The following SHISA9 variants were observed in gnomAD, a reference collection of about 807,000 sequenced individuals.
SHISA9 encodes the protein shisa family member 9.
Under a neutral mutation model 38.0 loss-of-function variants are expected in SHISA9, and 13 were observed. The observed-to-expected ratio is 0.34, with a 90% CI of 0.22 to 0.54. The LOEUF is 0.54. Ranked by LOEUF, SHISA9 falls within the 20% of genes least tolerant of loss-of-function variation. SHISA9 has a pLI of 0.91. For missense variants in SHISA9, 538 were observed against 575.8 expected, an observed-to-expected ratio of 0.93 and a Z score of 0.67; for synonymous variants, 275 against 242.0, an observed-to-expected ratio of 1.14 and a Z score of -1.27.
chr16:13,358,046 G>A, the SHISA9 span, among the ~76,000 whole-genome samples: 1 of 152,126 alleles, frequency 6.6e-6, no homozygotes, highest in Admixed American at 6.5e-5. Flanking sequence ...CTTGGCTTGG[G>A]CTTAGAGGCC....
the SHISA9 span, among the ~76,000 whole-genome samples, chr16:13,351,805 C>T: frequency 6.6e-6 from 1 of 152,184 alleles, no homozygotes; most frequent in African/African-American, 2.4e-5. Context: ...GTTGCTAACA[C>T]CAGTAAATAA....
chr16:13,223,658 A>C (rs538624315), intron 4 of SHISA9, among the ~76,000 whole-genome samples: 2 of 152,084 alleles, frequency 1.3e-5, no homozygotes, highest in Non-Finnish European at 1.5e-5. Flanking sequence ...ATAAAGATGT[A>C]CCTGAGACTG....
At chr16:13,309,727 A>G in the SHISA9 span, among the ~76,000 whole-genome samples, 1 of 151,576 alleles carries the variant, frequency 6.6e-6, no homozygotes, top group East Asian at 1.9e-4. Flanking sequence ...ATGATTTGTG[A>G]GGTGCTGTTC....
At chr16:13,324,229 A>C in the SHISA9 span, among the ~76,000 whole-genome samples, 1 of 152,324 alleles carries the variant, frequency 6.6e-6, no homozygotes, top group Non-Finnish European at 1.5e-5. Flanking sequence ...AGCCTCAGGT[A>C]TTCCTTTATA....
Position 12,951,156 on chromosome 16 carries a change from G to A in SHISA9, c.691+34341G>A, listed in dbSNP as rs181265892. Among the ~76,000 whole-genome samples the A allele has an allele frequency of 1.5e-4, 22 of 144,614 alleles. No individual in the cohort carries two copies. The East Asian group carries it at 4.6e-3, about 30-fold the overall frequency. The allele number at this position is 144,614 out of a possible 152,430, so 94.9% of individuals were successfully genotyped here. A position where few individuals can be genotyped will look rare whatever the true frequency, so the allele number is the denominator to read the frequency against. ...GAATTGCTTGAACCCAGGAGGTGGA[G>A]GTTGCAGTGAGCCAAGATCGCACCA... On this transcript the variant is annotated intron_variant, in intron 2 of 4. Transcript: ENST00000558583.
intron 2 of SHISA9, among the ~76,000 whole-genome samples, chr16:13,108,383 G>A (rs2073946977): frequency 6.6e-6 from 1 of 152,116 alleles, no homozygotes; most frequent in South Asian, 2.1e-4. Flanking sequence ...TCCTGCCTTG[G>A]CTTCCTGAGT....
At chr16:13,085,099 C>T (rs1197598040) in intron 2 of SHISA9, among the ~76,000 whole-genome samples, 1 of 152,120 alleles carries the variant, frequency 6.6e-6, no homozygotes, top group African/African-American at 2.4e-5. Context: ...GTAGAAGTAT[C>T]ATTCTGATTG....
the SHISA9 span, among the ~76,000 whole-genome samples, chr16:13,340,456 T>G: frequency 6.7e-6 from 1 of 148,804 alleles, no homozygotes; most frequent in Non-Finnish European, 1.5e-5. Flanking sequence ...AGGTGAGTCC[T>G]CAGTGGCCGT....
At chr16:13,132,052 A>G (rs897426697) in intron 2 of SHISA9, among the ~76,000 whole-genome samples, 4 of 152,242 alleles carry the variant, frequency 2.6e-5, no homozygotes, top group African/African-American at 9.6e-5. Flanking sequence ...TCACAGCGAC[A>G]AGCACAGGAC....
chr16:12,997,871 G>A (rs1032737), intron 2 of SHISA9, among the ~76,000 whole-genome samples: 2 of 152,094 alleles, frequency 1.3e-5, no homozygotes, highest in Non-Finnish European at 2.9e-5. Flanking sequence ...TATATCTCTA[G>A]ATAATCATCC....
intron 2 of SHISA9, among the ~76,000 whole-genome samples, chr16:12,930,994 C>A (rs554496380): frequency 6.6e-6 from 1 of 152,112 alleles, no homozygotes; most frequent in Non-Finnish European, 1.5e-5. Context: ...AAAAATACCC[C>A]AAATGTGTTA....
the SHISA9 span, among the ~76,000 whole-genome samples, chr16:13,414,062 T>C: frequency 6.6e-6 from 1 of 152,210 alleles, no homozygotes; most frequent in African/African-American, 2.4e-5. Context: ...TGTTAAGTCC[T>C]TCTGATGGTC....
chr16:13,346,815 C>G, the SHISA9 span, among the ~76,000 whole-genome samples: 1 of 152,184 alleles, frequency 6.6e-6, no homozygotes, highest in East Asian at 1.9e-4. Flanking sequence ...TTCAAGTAGC[C>G]TTCCATGTTT....
At chr16:13,562,090 G>C in the SHISA9 span, among the ~76,000 whole-genome samples, 2 of 152,164 alleles carry the variant, frequency 1.3e-5, no homozygotes, top group African/African-American at 2.4e-5. Flanking sequence ...CTCAGTCACT[G>C]ACTAACAGTC....
the SHISA9 span, among the ~76,000 whole-genome samples, chr16:13,305,674 C>G: frequency 6.6e-6 from 1 of 152,176 alleles, no homozygotes; most frequent in Non-Finnish European, 1.5e-5. Context: ...GGATTGTCCT[C>G]CATTTGAATC....
At chr16:13,408,062 C>T in the SHISA9 span, among the ~76,000 whole-genome samples, 17 of 151,852 alleles carry the variant, frequency 1.1e-4, no homozygotes, top group African/African-American at 4.1e-4. Context: ...TCTCTTTACT[C>T]TGTTGATAAT....
intron 4 of SHISA9, among the ~76,000 whole-genome samples, chr16:13,220,657 G>C (rs1293839618): frequency 6.6e-6 from 1 of 151,958 alleles, no homozygotes; most frequent in Non-Finnish European, 1.5e-5. Context: ...ACCATGCAAT[G>C]AATTTCTGGA....
the SHISA9 span, among the ~76,000 whole-genome samples, chr16:13,459,554 C>G: frequency 1.4e-4 from 21 of 152,110 alleles, no homozygotes; most frequent in Non-Finnish European, 4.4e-5. Context: ...CCAAATCAGC[C>G]TTAGTCAAAT....
chr16:13,251,677 T>A, the SHISA9 span, among the ~76,000 whole-genome samples: 1 of 152,170 alleles, frequency 6.6e-6, no homozygotes, highest in African/African-American at 2.4e-5. Flanking sequence ...TGGCTTTTCA[T>A]CCTTCCTGTT....
Sources: allele counts gnomAD v4.1 joint callset (sites outside exome capture counted in the v4.1 genomes callset), GRCh38; gene constraint gnomAD v4.1.1; transcripts MANE v1.5; gene names NCBI Gene and HGNC (gene_info 2026-07-23, HGNC 2026-07-21).